The following ERBB4 variants were observed in gnomAD, a reference collection of about 807,000 sequenced individuals.
The protein encoded by ERBB4 is receptor tyrosine-protein kinase erbB-4.
A neutral mutation model predicts 158.0 loss-of-function variants in ERBB4; 42 were observed. The ratio of observed to expected loss-of-function variants is 0.27; its 90% CI spans 0.21 to 0.34. ERBB4 has a LOEUF of 0.34. Ranked by LOEUF, ERBB4 falls within the 10% of genes least tolerant of loss-of-function variation. The probability of loss-of-function intolerance (pLI) is 1.00; values close to 1 mark genes in which losing one functional copy is unlikely to be tolerated. For missense variants in ERBB4, 1,333 were observed against 1,624.1 expected, an observed-to-expected ratio of 0.82 and a Z score of 3.08; for synonymous variants, 583 against 558.7, an observed-to-expected ratio of 1.04 and a Z score of -0.61.
chr2:211,387,271 G>A (rs572076463), intron 26 of ERBB4, 121 bp from the exon 27 acceptor site: 4 of 878,722 alleles, frequency 4.6e-6, no homozygotes, highest in Admixed American at 1.9e-5. Flanking sequence ...GTATTTACTG[G>A]TTTTTTTTCC....
rs142613018 is a variant in ERBB4 at position 211,494,165 on chromosome 2, G to A, written c.2488-63065C>T. 8.2e-3 allele frequency among the ~76,000 whole-genome samples: 1,241 copies of A among 152,108 alleles called. 6 individuals carry two copies. Among genetic ancestry groups the A allele is most frequent in the Non-Finnish European group, 0.014 (982 of 67,996 alleles). On this transcript the variant is annotated intron_variant, in intron 20 of 27. Coordinates refer to ENST00000342788, the MANE Select transcript of ERBB4 (RefSeq NM_005235.3). ...CTACAGGCAAGTGCTAACACGCCCA[G>A]CTAATTTTTGTATTTTTAGTAGAGA... is the stretch of plus-strand genomic sequence containing the variant.
intron 26 of ERBB4, 65 bp from the exon 27 acceptor site, chr2:211,387,215 A>G (rs778518386): frequency 4.8e-6 from 6 of 1,249,988 alleles, no homozygotes; most frequent in Non-Finnish European, 5.9e-6. Context: ...AATGAATGTT[A>G]ATAGCCACAA....
intron 2 of ERBB4, among the ~76,000 whole-genome samples, chr2:211,982,546 G>C (rs1033792155): frequency 5.3e-5 from 8 of 152,190 alleles, no homozygotes; most frequent in Non-Finnish European, 8.8e-5. Context: ...TGGAGAGCTA[G>C]AGCAAGACCG....
chr2:212,100,051 C>A (rs2079040288), intron 2 of ERBB4, among the ~76,000 whole-genome samples: 1 of 151,866 alleles, frequency 6.6e-6, no homozygotes, highest in Admixed American at 6.6e-5. Flanking sequence ...TTAAAGTGAA[C>A]TGCAGGCAAA....
rs2062471768 is a variant in ERBB4, at chr2:211,376,250, A to C, written c.*7365T>G. The C allele has an allele frequency of 4.3e-6, 1 of 233,024 alleles. No homozygotes were observed. Among genetic ancestry groups the C allele is most frequent in the Non-Finnish European group, 8.5e-6 (1 of 117,744 alleles). The allele number at this position is 233,024 out of a possible 1,614,324, so 14.4% of individuals were successfully genotyped here. On this transcript the variant is annotated 3_prime_UTR_variant, in exon 28 of 28. Coordinates refer to ENST00000342788, the MANE Select transcript of ERBB4 (RefSeq NM_005235.3). ...AGTAATGTCAAAATGATAACTTCCAACCAAAAAAGAAACAATCACAGGCCA... is the reference window on the plus strand; with the variant it reads ...AGTAATGTCAAAATGATAACTTCCACCCAAAAAAGAAACAATCACAGGCCA...
In ERBB4 at chr2:212,372,727, C is replaced by T. The variant is rs139394680; in HGVS notation, c.82+165722G>A. Among the ~76,000 whole-genome samples the T allele has an allele frequency of 6.1e-3, 933 of 152,116 alleles. 14 individuals carry two copies. Among genetic ancestry groups the T allele is most frequent in the African/African-American group, 0.02 (845 of 41,496 alleles). ...TTGCACCACTGCACTCCAGCCTGGG[C>T]GACAGAGCGAGACTCCGTCTCAAAA... On this transcript the variant is annotated intron_variant, in intron 1 of 27. Coordinates refer to ENST00000342788, the MANE Select transcript of ERBB4 (RefSeq NM_005235.3).
intron 25 of ERBB4, among the ~76,000 whole-genome samples, chr2:211,415,161 G>T (rs1972819): frequency 8.6e-6 from 1 of 116,326 alleles, no homozygotes; most frequent in Non-Finnish European, 1.6e-5. Flanking sequence ...CTGTCGCCCA[G>T]GCTGGAGTGC....
At chr2:211,833,155 A>G (rs1467543933) in intron 3 of ERBB4, among the ~76,000 whole-genome samples, 1 of 152,084 alleles carries the variant, frequency 6.6e-6, no homozygotes, top group African/African-American at 2.4e-5. Flanking sequence ...CCTTGTAATC[A>G]CAATCTATCA....
intron 1 of ERBB4, among the ~76,000 whole-genome samples, chr2:212,395,887 G>A (rs2091011570): frequency 6.6e-6 from 1 of 152,068 alleles, no homozygotes; most frequent in Non-Finnish European, 1.5e-5. Context: ...AAAGTGATGG[G>A]ATTACAGGTG....
chr2:211,969,376 C>T (rs1348733693), intron 2 of ERBB4, among the ~76,000 whole-genome samples: 1 of 152,044 alleles, frequency 6.6e-6, no homozygotes, highest in Non-Finnish European at 1.5e-5. Flanking sequence ...GCCTGAAACA[C>T]TGTACATAAT....
chr2:211,719,885 A>AT (rs896213989), intron 7 of ERBB4, among the ~76,000 whole-genome samples: 2 of 149,990 alleles, frequency 1.3e-5, no homozygotes, highest in African/African-American at 5.0e-5. Flanking sequence ...AAAAAAAAAA[A>AT]GGAAAGTGTT....
At chr2:212,026,868 A>G (rs1347766624) in intron 2 of ERBB4, among the ~76,000 whole-genome samples, 6 of 151,892 alleles carry the variant, frequency 4.0e-5, no homozygotes, top group African/African-American at 1.4e-4. Context: ...TTTTCAAGCT[A>G]ATTTTTCCAA....
intron 1 of ERBB4, among the ~76,000 whole-genome samples, chr2:212,374,930 TGAA>T (rs940526823): frequency 2.0e-4 from 31 of 151,614 alleles, no homozygotes; most frequent in Admixed American, 5.9e-4. Context: ...GAAAAAAGAG[TGAA>T]GAAGAAGTGA....
At chr2:212,243,221 G>A (rs2084181373) in intron 1 of ERBB4, among the ~76,000 whole-genome samples, 1 of 152,042 alleles carries the variant, frequency 6.6e-6, no homozygotes, top group South Asian at 2.1e-4. Flanking sequence ...TAAGGGCAGC[G>A]ACCAGATTGG....
chr2:211,547,728 C>A (rs1264329424), intron 20 of ERBB4, among the ~76,000 whole-genome samples: 1 of 151,722 alleles, frequency 6.6e-6, no homozygotes, highest in Non-Finnish European at 1.5e-5. Flanking sequence ...AAAATTTAAT[C>A]CATTTGGATT....
rs2125307407 is a variant in ERBB4 at position 211,383,589 on chromosome 2, C to T, written c.*26G>A. 6.3e-7 allele frequency: 1 copy of T among 1,595,046 alleles called. No homozygotes were observed. Among genetic ancestry groups the T allele is most frequent in the Non-Finnish European group, 8.6e-7 (1 of 1,164,516 alleles). On this transcript the variant is annotated 3_prime_UTR_variant, in exon 28 of 28. Coordinates refer to ENST00000342788, the MANE Select transcript of ERBB4 (RefSeq NM_005235.3). ...TGGGGAAATTGGAGCAGGTGTGTCTCTCCACCTAAAAAACCACAACTGAGC... is the reference window on the plus strand; with the variant it reads ...TGGGGAAATTGGAGCAGGTGTGTCTTTCCACCTAAAAAACCACAACTGAGC...
chr2:211,898,282 T>G (rs772629412), intron 3 of ERBB4, among the ~76,000 whole-genome samples: 3 of 152,176 alleles, frequency 2.0e-5, no homozygotes, highest in Non-Finnish European at 2.9e-5. Flanking sequence ...GATAGTTTAA[T>G]CATTTTGATA....
Position 211,735,605 on chromosome 2 carries a change from A to C in ERBB4, c.623-10411T>G, listed in dbSNP as rs1437308915. Among the ~76,000 whole-genome samples, 3 of 152,144 alleles carry C rather than the reference A, an allele frequency of 2.0e-5. No homozygotes were observed. In the East Asian group the frequency reaches 5.8e-4, roughly 29 times the overall value. On this transcript the variant is annotated intron_variant, in intron 5 of 27. Transcript: ENST00000342788. ...ACCATGATTGTGAGTGATGATAATG[A>C]AAACTAAGATATTACTCAAATACTC...
chr2:211,856,455 G>T (rs1018307653), intron 3 of ERBB4, among the ~76,000 whole-genome samples: 1 of 151,324 alleles, frequency 6.6e-6, no homozygotes, highest in African/African-American at 2.4e-5. Flanking sequence ...GCACAATCTC[G>T]GCTCACTGCA....
Sources: gnomAD v4.1 joint callset for allele counts (sites outside exome capture counted in the v4.1 genomes callset) on GRCh38, gnomAD v4.1.1 for gene constraint, MANE v1.5 for transcripts, NCBI Gene and HGNC (gene_info 2026-07-23, HGNC 2026-07-21) for gene names.